Variants in CNTNAP2 observed in about 807,000 individuals in gnomAD.
CNTNAP2 encodes contactin-associated protein-like 2.
Under a neutral mutation model 155.2 loss-of-function variants are expected in CNTNAP2, and 98 were observed. The observed-to-expected ratio is 0.63, with a 90% confidence interval of 0.54 to 0.75. CNTNAP2 has a LOEUF of 0.75. Among genes scored for constraint, CNTNAP2 ranks in the 30% least tolerant of loss-of-function variants. CNTNAP2 has a pLI of 0.00. For missense variants in CNTNAP2, 1,727 were observed against 1,688.1 expected (o/e 1.02, Z -0.40); for synonymous variants, 651 against 631.2 (o/e 1.03, Z -0.47).
intron 1 of CNTNAP2, among the ~76,000 whole-genome samples, chr7:146,513,443 G>A (rs1041325444): frequency 6.6e-6 from 1 of 151,544 alleles, no homozygotes; most frequent in Non-Finnish European, 1.5e-5. Context: ...TTGATTCCTT[G>A]CTTTTTATTT....
At chr7:146,340,168 C>CAA (rs1195946572) in intron 1 of CNTNAP2, among the ~76,000 whole-genome samples, 1,638 of 53,250 alleles carry the variant, frequency 0.031, 34 homozygotes, top group African/African-American at 0.043. Context: ...GACTCCGCCT[C>CAA]AAAAAAAAAA....
At chr7:147,853,886 C>T (rs1252811258) in intron 13 of CNTNAP2, among the ~76,000 whole-genome samples, 1 of 152,176 alleles carries the variant, frequency 6.6e-6, no homozygotes, top group Non-Finnish European at 1.5e-5. Flanking sequence ...ATGAGTGTTG[C>T]AAAGTTTGAC....
intron 1 of CNTNAP2, among the ~76,000 whole-genome samples, chr7:146,662,287 G>A (rs781609043): frequency 3.8e-4 from 57 of 151,992 alleles, no homozygotes; most frequent in Non-Finnish European, 7.9e-4. Flanking sequence ...ATAGGCGCCC[G>A]CCACCACGCC....
At chr7:147,959,302 GT>G (rs1801076471) in intron 14 of CNTNAP2, among the ~76,000 whole-genome samples, 1 of 151,886 alleles carries the variant, frequency 6.6e-6, no homozygotes, top group South Asian at 2.1e-4. Flanking sequence ...CTGCTTGGGT[GT>G]CTCTGGCACC....
At chr7:146,265,030 A>G (rs1421850985) in intron 1 of CNTNAP2, among the ~76,000 whole-genome samples, 1 of 152,226 alleles carries the variant, frequency 6.6e-6, no homozygotes, top group Non-Finnish European at 1.5e-5. Context: ...GGAGAAAAAA[A>G]CAAAGACAAT....
At chr7:147,797,725 T>A (rs1004666398) in intron 13 of CNTNAP2, among the ~76,000 whole-genome samples, 2 of 152,180 alleles carry the variant, frequency 1.3e-5, no homozygotes, top group East Asian at 1.9e-4. Flanking sequence ...CTGAGAAATA[T>A]CTTTTGTGTG....
chr7:146,727,858 G>A (rs73168734), intron 1 of CNTNAP2, among the ~76,000 whole-genome samples: 5,196 of 152,236 alleles, frequency 0.034, 131 homozygotes, highest in East Asian at 0.12. Context: ...TGGACAGGGA[G>A]ATGTCCCTGA....
At chr7:147,332,483 T>A (rs879736896) in intron 9 of CNTNAP2, among the ~76,000 whole-genome samples, 6 of 152,094 alleles carry the variant, frequency 3.9e-5, no homozygotes, top group Admixed American at 1.3e-4. Context: ...CTGGAGAGGT[T>A]CAGTACTGGC....
chr7:147,750,386 A>G (rs1003439926), intron 13 of CNTNAP2, among the ~76,000 whole-genome samples: 2 of 152,164 alleles, frequency 1.3e-5, no homozygotes, highest in African/African-American at 4.8e-5. Context: ...TATGAATTGG[A>G]TTATTTCTCA....
chr7:147,480,599 G>T (rs1528523), intron 10 of CNTNAP2, among the ~76,000 whole-genome samples: 71,016 of 152,060 alleles, frequency 0.47, 18,318 homozygotes, highest in African/African-American at 0.69. Context: ...ATTATTATAT[G>T]TCACTCTGAG....
intron 15 of CNTNAP2, among the ~76,000 whole-genome samples, chr7:148,067,058 C>T (rs1338748197): frequency 6.6e-6 from 1 of 152,034 alleles, no homozygotes; most frequent in Non-Finnish European, 1.5e-5. Flanking sequence ...TCTGGTGCCT[C>T]CTTGAGTATC....
At chr7:146,125,192 G>A (rs1039055607) in intron 1 of CNTNAP2, among the ~76,000 whole-genome samples, 1 of 152,050 alleles carries the variant, frequency 6.6e-6, no homozygotes, top group South Asian at 2.1e-4. Flanking sequence ...ATATCTTAAC[G>A]TAAGCATTTA....
chr7:148,142,093 C>G lies in CNTNAP2; in HGVS notation c.2555-5398C>G, dbSNP rs868659515. Reference sequence around the variant, plus strand: ...GGTTGTTAAGAGTAGAGATATGTCTCTGTGTGTGTGTGTGTGTGTGTGTGT... The same window carrying G: ...GGTTGTTAAGAGTAGAGATATGTCTGTGTGTGTGTGTGTGTGTGTGTGTGT... On this transcript the variant is annotated intron_variant, in intron 16 of 23. Coordinates refer to ENST00000361727, the MANE Select transcript of CNTNAP2 (RefSeq NM_014141.6). 9.5e-4 allele frequency among the ~76,000 whole-genome samples: 130 copies of G among 136,414 alleles called. 2 individuals carry two copies. The South Asian group carries it at 0.014, about 15-fold the overall frequency. 89.5% of individuals were successfully genotyped at this position (136,414 alleles called of 152,430 possible).
intron 3 of CNTNAP2, among the ~76,000 whole-genome samples, chr7:147,004,216 A>G (rs1798482346): frequency 1.3e-5 from 2 of 150,192 alleles, no homozygotes; most frequent in Admixed American, 6.6e-5. Context: ...ATATACCAAA[A>G]AAAAAAAAAA....
intron 15 of CNTNAP2, among the ~76,000 whole-genome samples, chr7:148,040,926 G>C (rs1337316349): frequency 6.6e-6 from 1 of 152,118 alleles, no homozygotes; most frequent in South Asian, 2.1e-4. Context: ...AGGATCATTG[G>C]AGGCAAAATC....
chr7:147,146,770 T>C (rs1219371030), intron 8 of CNTNAP2: 1 of 152,226 alleles, frequency 6.6e-6, no homozygotes, highest in African/African-American at 2.4e-5. Flanking sequence ...TTAAAATGTA[T>C]GCCAAGAATA....
chr7:148,218,866 C>A (rs796597065), intron 19 of CNTNAP2, among the ~76,000 whole-genome samples: 24 of 150,782 alleles, frequency 1.6e-4, no homozygotes, highest in African/African-American at 5.6e-4. Flanking sequence ...AGTGTACAAA[C>A]TTGCTGAACT....
intron 1 of CNTNAP2, among the ~76,000 whole-genome samples, chr7:146,168,017 G>T (rs1260651467): frequency 6.6e-6 from 1 of 151,996 alleles, no homozygotes; most frequent in Non-Finnish European, 1.5e-5. Context: ...CAGGAAGAAT[G>T]CAGTATGGGG....
chr7:146,168,493 C>G (rs1798345161), intron 1 of CNTNAP2, among the ~76,000 whole-genome samples: 1 of 152,052 alleles, frequency 6.6e-6, no homozygotes. Context: ...AGAGATCTTC[C>G]CAACCCTGCC....
Sources: allele counts gnomAD v4.1 joint callset (sites outside exome capture counted in the v4.1 genomes callset), GRCh38; gene constraint gnomAD v4.1.1; transcripts MANE v1.5; gene names NCBI Gene and HGNC (gene_info 2026-07-23, HGNC 2026-07-21).